Variants in EIF4G3 observed in about 807,000 individuals in gnomAD.
The protein encoded by EIF4G3 is eukaryotic translation initiation factor 4 gamma 3.
EIF4G3 carries 34 observed loss-of-function variants against 186.4 expected under a neutral mutation model. The observed-to-expected ratio is 0.18, with a 90% CI of 0.14 to 0.24. EIF4G3 has a LOEUF of 0.24. Ranked by LOEUF, EIF4G3 falls within the 10% of genes least tolerant of loss-of-function variation. The probability of loss-of-function intolerance (pLI) is 1.00; values close to 1 mark genes in which losing one functional copy is unlikely to be tolerated. For missense variants in EIF4G3, 1,536 were observed against 1,948.5 expected, an observed-to-expected ratio of 0.79 and a Z score of 3.99; for synonymous variants, 673 against 679.5, an observed-to-expected ratio of 0.99 and a Z score of 0.15.
intron 3 of EIF4G3, among the ~76,000 whole-genome samples, chr1:21,053,706 T>G: frequency 7.7e-6 from 1 of 130,142 alleles, no homozygotes; most frequent in Non-Finnish European, 1.6e-5. Context: ...AGCCGCCCCG[T>G]CCGGGAAGGA....
At chr1:21,153,845 G>A (rs187492855) in intron 2 of EIF4G3, among the ~76,000 whole-genome samples, 41 of 151,906 alleles carry the variant, frequency 2.7e-4, no homozygotes, top group Admixed American at 1.6e-3. Flanking sequence ...GATTATAGGC[G>A]TGAGCCACCG....
chr1:20,895,216 G>T, intron 17 of EIF4G3, 152 bp downstream of exon 17: 1 of 908,076 alleles, frequency 1.1e-6, no homozygotes, highest in Non-Finnish European at 1.6e-6. Context: ...AAATCCAACA[G>T]TGTTTAGGGA....
chr1:21,116,244 G>A (rs191345538), intron 2 of EIF4G3, among the ~76,000 whole-genome samples: 1 of 152,218 alleles, frequency 6.6e-6, no homozygotes, highest in Non-Finnish European at 1.5e-5. Flanking sequence ...TTTTCACCAT[G>A]TGTAATACAT....
At chr1:20,851,598 A>C in intron 27 of EIF4G3, 120 bp from the exon 28 acceptor site, 1 of 821,342 alleles carries the variant, frequency 1.2e-6, no homozygotes, top group East Asian at 2.7e-5. Flanking sequence ...AGATAACATT[A>C]GATGTGTGAG....
intron 36 of EIF4G3, among the ~76,000 whole-genome samples, chr1:20,808,458 G>C (rs1416850680): frequency 6.6e-6 from 1 of 151,806 alleles, no homozygotes; most frequent in African/African-American, 2.4e-5. Flanking sequence ...GAGACAGGCG[G>C]ATCACGAGGT....
intron 20 of EIF4G3, among the ~76,000 whole-genome samples, chr1:20,877,922 C>A (rs566521253): frequency 1.5e-4 from 23 of 152,202 alleles, no homozygotes; most frequent in Non-Finnish European, 3.2e-4. Flanking sequence ...CTGCTCACTG[C>A]AACCTCAGCC....
chr1:21,124,564 T>G (rs999511405), intron 2 of EIF4G3, among the ~76,000 whole-genome samples: 4 of 152,194 alleles, frequency 2.6e-5, no homozygotes, highest in African/African-American at 7.2e-5. Context: ...GTCAGAAGCC[T>G]TCATGGGACT....
At chr1:21,081,514 A>G (rs887810047) in intron 3 of EIF4G3, among the ~76,000 whole-genome samples, 7 of 152,172 alleles carry the variant, frequency 4.6e-5, no homozygotes, top group Non-Finnish European at 7.3e-5. Flanking sequence ...ATAATGACAT[A>G]AGCTTCTCTC....
At chr1:21,021,247 G>C (rs1042421146) in intron 4 of EIF4G3, among the ~76,000 whole-genome samples, 2 of 152,174 alleles carry the variant, frequency 1.3e-5, no homozygotes, top group Non-Finnish European at 2.9e-5. Context: ...GCCCCCCAAA[G>C]TGCTGGGATT....
chr1:21,167,695 T>A (rs191179726), intron 2 of EIF4G3, among the ~76,000 whole-genome samples: 2 of 151,622 alleles, frequency 1.3e-5, no homozygotes, highest in African/African-American at 4.9e-5. Flanking sequence ...GAGGTGGAGG[T>A]TGCAATGAGC....
At chr1:20,967,196 C>T (rs2154565237) in intron 12 of EIF4G3, among the ~76,000 whole-genome samples, 1 of 152,272 alleles carries the variant, frequency 6.6e-6, no homozygotes, top group Non-Finnish European at 1.5e-5. Flanking sequence ...ACCAATCACA[C>T]CCCACAGGGC....
At chr1:21,155,993 G>A (rs1305298553) in intron 2 of EIF4G3, among the ~76,000 whole-genome samples, 6 of 151,968 alleles carry the variant, frequency 3.9e-5, no homozygotes, top group African/African-American at 1.4e-4. Flanking sequence ...TGGGCGTGGT[G>A]GCACATGCCT....
chr1:20,861,368 G>A (rs936004475), intron 23 of EIF4G3, among the ~76,000 whole-genome samples: 5 of 151,768 alleles, frequency 3.3e-5, no homozygotes, highest in Admixed American at 2.0e-4. Flanking sequence ...AACTGCACCC[G>A]GTAAGAGAAA....
chr1:21,063,138 C>G (rs2095017596), intron 3 of EIF4G3, among the ~76,000 whole-genome samples: 1 of 152,140 alleles, frequency 6.6e-6, no homozygotes, highest in African/African-American at 2.4e-5. Context: ...AGTGGCGCCT[C>G]CACCTCCCAA....
chr1:21,133,066 G>A (rs1573049731), intron 2 of EIF4G3, among the ~76,000 whole-genome samples: 1 of 152,158 alleles, frequency 6.6e-6, no homozygotes, highest in African/African-American at 2.4e-5. Flanking sequence ...TTATAGGTGT[G>A]AGCAATCATG....
At chr1:21,152,953 T>C (rs531034460) in intron 2 of EIF4G3, among the ~76,000 whole-genome samples, 2 of 152,296 alleles carry the variant, frequency 1.3e-5, no homozygotes, top group South Asian at 2.1e-4. Flanking sequence ...TATCTGTGAA[T>C]AGCCACTGCA....
intron 30 of EIF4G3, 119 bp downstream of exon 30, chr1:20,840,737 C>T: frequency 2.3e-6 from 2 of 862,652 alleles, no homozygotes; most frequent in Non-Finnish European, 3.6e-6. Flanking sequence ...CAACATATTA[C>T]AGTGGATACA....
At chr1:20,855,301 G>C (rs2074554468) in intron 25 of EIF4G3, among the ~76,000 whole-genome samples, 1 of 152,146 alleles carries the variant, frequency 6.6e-6, no homozygotes, top group Non-Finnish European at 1.5e-5. Flanking sequence ...GTTTGGTCTA[G>C]AGAATGCATC....
chr1:20,942,435 A>G, intron 13 of EIF4G3, 105 bp from the exon 14 acceptor site: 2 of 1,142,830 alleles, frequency 1.8e-6, no homozygotes, highest in South Asian at 3.4e-5. Context: ...AGGTAACAGA[A>G]CAGAGACCAA....
Sources: gnomAD v4.1 joint callset for allele counts (sites outside exome capture counted in the v4.1 genomes callset) on GRCh38, gnomAD v4.1.1 for gene constraint, MANE v1.5 for transcripts, NCBI Gene and HGNC (gene_info 2026-07-23, HGNC 2026-07-21) for gene names.